The following BROX variants were observed in gnomAD, a reference collection of about 807,000 sequenced individuals.
The protein encoded by BROX is BRO1 domain-containing protein BROX.
BROX carries 53 observed loss-of-function variants against 61.0 expected under a neutral mutation model. That is an observed-to-expected ratio of 0.87 (90% CI 0.70 to 1.09). The LOEUF (loss-of-function observed/expected upper bound fraction) is 1.09, where lower values mean the gene tolerates loss of function less well. Among genes scored for constraint, BROX ranks in the 50% least tolerant of loss-of-function variants. The pLI is 0.00. For missense variants in BROX, 489 were observed against 472.0 expected, an observed-to-expected ratio of 1.04 and a Z score of -0.33; for synonymous variants, 152 against 160.2, an observed-to-expected ratio of 0.95 and a Z score of 0.38.
chr1:222,733,946 C>G lies in BROX; in HGVS notation c.*1232C>G, dbSNP rs1658128797. On this transcript the variant is annotated 3_prime_UTR_variant, in exon 13 of 13. Transcript: ENST00000340934. ...TATTAAAGAAGTTATAGTAAGATGC[C>G]TTTGTTACCTGATTTCAGTGTACAT... The G allele has an allele frequency of 6.6e-6, 1 of 152,120 alleles. No individual in the cohort carries two copies. The highest frequency in any genetic ancestry group is 2.1e-4 in the South Asian group (1 of 4,832). 9.4% of individuals were successfully genotyped at this position (152,120 alleles called of 1,614,324 possible).
At chr1:222,714,387 TAGTAGAGTCACCG>T (rs1656379894) in intron 1 of BROX, among the ~76,000 whole-genome samples, 2 of 151,612 alleles carry the variant, frequency 1.3e-5, no homozygotes, top group South Asian at 4.2e-4. Flanking sequence ...TTTGTACTTT[TAGTAGAGTCACCG>T]TGTTAGCCAG....
Position 222,719,316 on chromosome 1 carries a change from C to A in BROX, c.262C>A (p.Gln88Lys). The A allele has an allele frequency of 6.2e-7, 1 of 1,609,960 alleles. No homozygotes were observed. The highest frequency in any genetic ancestry group is 1.1e-5 in the South Asian group (1 of 90,944). Reference sequence around the variant, plus strand: ...CCAAGAAAGCAAGTTACGATATATTCAAAATTTCAAGTGGACTGATACATT... The same window carrying A: ...CCAAGAAAGCAAGTTACGATATATTAAAAATTTCAAGTGGACTGATACATT... ...STQESKLRYIQNFKWTDTLQG... is the reference protein window; with the variant it reads ...STQESKLRYIKNFKWTDTLQG... Residue 88 changes from glutamine (Q) to lysine (K), a missense_variant, in exon 4 of 13, where the codon CAA (glutamine) becomes AAA (lysine). By Grantham distance (53) the Gln-to-Lys change is moderately conservative. Transcript: ENST00000340934.
Position 222,734,608 on chromosome 1 carries a change from A to C in BROX, c.*1894A>C, listed in dbSNP as rs186724507. 1.3e-5 allele frequency: 2 copies of C among 152,310 alleles called. No individual in the cohort carries two copies. Among genetic ancestry groups the C allele is most frequent in the African/African-American group, 2.4e-5 (1 of 41,574 alleles). The allele number at this position is 152,310 out of a possible 1,614,324, so 9.4% of individuals were successfully genotyped here. ...CTAAACAGACATTTAATTTTATTTCAATATCTATGGAAAAAACACTTATTA... is the reference window on the plus strand; with the variant it reads ...CTAAACAGACATTTAATTTTATTTCCATATCTATGGAAAAAACACTTATTA... On this transcript the variant is annotated 3_prime_UTR_variant, in exon 13 of 13. Coordinates refer to ENST00000340934, the MANE Select transcript of BROX (RefSeq NM_144695.4).
Position 222,732,970 on chromosome 1 carries a change from G to A in BROX, c.*256G>A. On this transcript the variant is annotated 3_prime_UTR_variant, in exon 13 of 13. Coordinates refer to ENST00000340934, the MANE Select transcript of BROX (RefSeq NM_144695.4). ...CCTCTAAAGGGTATATTTGGGGGTTGGGTCTTTTTGTTAAACTCTGGATAG... is the reference window on the plus strand; with the variant it reads ...CCTCTAAAGGGTATATTTGGGGGTTAGGTCTTTTTGTTAAACTCTGGATAG... The A allele has an allele frequency of 2.6e-6, 1 of 383,746 alleles. No homozygotes were observed. Among genetic ancestry groups the A allele is most frequent in the South Asian group, 4.4e-5 (1 of 22,804 alleles). 23.8% of individuals were successfully genotyped at this position (383,746 alleles called of 1,614,324 possible). A position where few individuals can be genotyped will look rare whatever the true frequency, so the allele number is the denominator to read the frequency against.
intron 2 of BROX, among the ~76,000 whole-genome samples, chr1:222,717,047 C>T (rs1656680171): frequency 6.6e-6 from 1 of 152,224 alleles, no homozygotes; most frequent in Non-Finnish European, 1.5e-5. Flanking sequence ...GAAGCGATGA[C>T]AACAAAAGAT....
chr1:222,730,620 G>A (rs970890648), intron 11 of BROX, among the ~76,000 whole-genome samples: 2 of 152,118 alleles, frequency 1.3e-5, no homozygotes, highest in African/African-American at 2.4e-5. Context: ...TATGTTTCAC[G>A]TTAATTTTCT....
intron 2 of BROX, chr1:222,718,145 G>A (rs934142762): frequency 1.3e-5 from 2 of 152,114 alleles, no homozygotes; most frequent in Non-Finnish European, 2.9e-5. Context: ...GAACATTTCT[G>A]GAGTTGGGAA....
intron 8 of BROX, among the ~76,000 whole-genome samples, chr1:222,728,455 A>G (rs892171211): frequency 6.6e-6 from 1 of 152,186 alleles, no homozygotes; most frequent in Non-Finnish European, 1.5e-5. Flanking sequence ...CGGTATAAAC[A>G]GTATTCACCT....
intron 4 of BROX, 73 bp downstream of exon 4, chr1:222,719,432 C>A: frequency 9.5e-7 from 1 of 1,048,678 alleles, no homozygotes; most frequent in Non-Finnish European, 1.4e-6. Flanking sequence ...AACTCATAGC[C>A]TTTGTATTTG....
chr1:222,719,069 C>T (rs774215997), intron 3 of BROX, 38 bp downstream of exon 3: 1 of 1,535,430 alleles, frequency 6.5e-7, no homozygotes, highest in South Asian at 1.1e-5. Context: ...TTTTAAAAAA[C>T]TGTCTAAAAG....
At chr1:222,728,358 G>A (rs1657667404) in intron 8 of BROX, among the ~76,000 whole-genome samples, 1 of 152,170 alleles carries the variant, frequency 6.6e-6, no homozygotes, top group South Asian at 2.1e-4. Flanking sequence ...TGGGGGTAGA[G>A]AGGAGAGTAT....
chr1:222,713,557 G>T, intron 1 of BROX: 1 of 576,156 alleles, frequency 1.7e-6, no homozygotes, highest in Non-Finnish European at 2.2e-6. Flanking sequence ...GTCCCTGCGG[G>T]TGGGTGTGTC....
Position 222,725,551 on chromosome 1 carries a change from A to G in BROX, c.576A>G (p.Gln192=), listed in dbSNP as rs1553300867. The G allele has an allele frequency of 1.3e-6, 2 of 1,594,456 alleles. No individual in the cohort carries two copies. Among genetic ancestry groups the G allele is most frequent in the Admixed American group, 1.8e-5 (1 of 56,916 alleles). ...AYVIQCQAEA[Q]EVTIARAIEL... is the part of the protein sequence containing the mutation. ...TTATTCAATGTCAGGCTGAAGCTCAAGAAGGTATCCTAAATATTGTAAGAT... is the reference window on the plus strand; with the variant it reads ...TTATTCAATGTCAGGCTGAAGCTCAGGAAGGTATCCTAAATATTGTAAGAT... Residue 192 remains glutamine (Q), a synonymous_variant, in exon 7 of 13, where the codon CAA becomes CAG. Coordinates refer to ENST00000340934, the MANE Select transcript of BROX (RefSeq NM_144695.4).
Position 222,728,840 on chromosome 1 carries a change from C to T in BROX, c.756+12C>T, listed in dbSNP as rs764450817. 2 of 1,551,996 alleles carry T rather than the reference C, an allele frequency of 1.3e-6. No homozygotes were observed. Among genetic ancestry groups the T allele is most frequent in the South Asian group, 2.3e-5 (2 of 85,996 alleles). Reference sequence around the variant, plus strand: ...TCTACACAGCTTATGTAAGTATTCACAACGCTAAAAACAATGTAAATTATT... The same window carrying T: ...TCTACACAGCTTATGTAAGTATTCATAACGCTAAAAACAATGTAAATTATT... On this transcript the variant is annotated intron_variant, in intron 9 of 12. Transcript: ENST00000340934.
At chr1:222,727,047 G>A (rs966253618) in intron 7 of BROX, 121 bp from the exon 8 acceptor site, 16 of 719,474 alleles carry the variant, frequency 2.2e-5, no homozygotes, top group African/African-American at 1.3e-4. Flanking sequence ...ACGTTAAAAC[G>A]TTTAACAAAC....
chr1:222,725,602 C>A, intron 7 of BROX, 47 bp downstream of exon 7: 1 of 1,418,212 alleles, frequency 7.1e-7, no homozygotes, highest in Non-Finnish European at 9.7e-7. Context: ...TCTATATTGT[C>A]ATTGAATTCC....
chr1:222,722,611 G>A (rs1283424393), intron 5 of BROX, 97 bp downstream of exon 5: 2 of 838,854 alleles, frequency 2.4e-6, no homozygotes, highest in African/African-American at 3.5e-5. Context: ...TACCACTTTG[G>A]ATGTTTGAAG....
intron 5 of BROX, among the ~76,000 whole-genome samples, chr1:222,723,534 C>G (rs1350151886): frequency 6.6e-6 from 1 of 152,018 alleles, no homozygotes; most frequent in Non-Finnish European, 1.5e-5. Flanking sequence ...CTTAATGTTA[C>G]CTTTATGTCA....
At chr1:222,731,595 C>G in intron 12 of BROX, 79 bp downstream of exon 12, 1 of 1,412,430 alleles carries the variant, frequency 7.1e-7, no homozygotes, top group East Asian at 2.4e-5. Flanking sequence ...TGATATTTTT[C>G]TCTAAATAGA....
Sources: gnomAD v4.1 joint callset for allele counts (sites outside exome capture counted in the v4.1 genomes callset) on GRCh38, gnomAD v4.1.1 for gene constraint, MANE v1.5 for transcripts, NCBI Gene and HGNC (gene_info 2026-07-23, HGNC 2026-07-21) for gene names.